The following MACROD2 variants were observed in gnomAD, a reference collection of about 807,000 sequenced individuals.
MACROD2 encodes the protein ADP-ribose glycohydrolase MACROD2.
A neutral mutation model predicts 70.4 loss-of-function variants in MACROD2; 36 were observed. The observed-to-expected ratio is 0.51, with a 90% CI of 0.39 to 0.68. The LOEUF (loss-of-function observed/expected upper bound fraction) is 0.68, where lower values mean the gene tolerates loss of function less well. Ranked by LOEUF, MACROD2 falls within the 30% of genes least tolerant of loss-of-function variation. The probability of loss-of-function intolerance (pLI) is 0.00; values close to 1 mark genes in which losing one functional copy is unlikely to be tolerated. For missense variants in MACROD2, 496 were observed against 538.4 expected (o/e 0.92, Z 0.78); for synonymous variants, 172 against 178.8 (o/e 0.96, Z 0.30).
chr20:14,400,945 T>C (rs1164480466), intron 3 of MACROD2, among the ~76,000 whole-genome samples: 5 of 152,160 alleles, frequency 3.3e-5, no homozygotes, highest in Admixed American at 3.3e-4. Flanking sequence ...GGTGTGGTAA[T>C]GCCATATGAT....
At chr20:14,305,421 G>C (rs1013504295) in intron 3 of MACROD2, among the ~76,000 whole-genome samples, 11 of 151,962 alleles carry the variant, frequency 7.2e-5, no homozygotes, top group African/African-American at 2.7e-4. Flanking sequence ...ATGGTGATTA[G>C]AACCAAAAAC....
rs142392767 is a variant in MACROD2 at position 15,562,244 on chromosome 20, G to A, written c.645+62397G>A. On this transcript the variant is annotated intron_variant, in intron 8 of 17. Transcript: ENST00000684519. ...GCTCTGTCCATCTTGGAGCAGCTAC[G>A]TGAGGATTTTACAGCTGTCTTTGTT... Among the ~76,000 whole-genome samples the A allele has an allele frequency of 3.4e-3, 518 of 152,158 alleles. 3 individuals carry two copies. The East Asian group carries it at 0.041, about 12-fold the overall frequency.
chr20:14,562,096 C>T (rs766746316), intron 4 of MACROD2, among the ~76,000 whole-genome samples: 2 of 151,734 alleles, frequency 1.3e-5, no homozygotes, highest in African/African-American at 2.4e-5. Flanking sequence ...TCCCTCTGGA[C>T]GAGCAAAAGG....
At chr20:14,002,535 T>G in intron 2 of MACROD2, 131 bp downstream of exon 2, 1 of 594,154 alleles carries the variant, frequency 1.7e-6, no homozygotes, top group Non-Finnish European at 2.9e-6. Context: ...TGGTTGTGAT[T>G]TAATTGTTTT....
At position 15,355,177 on chromosome 20, in the gene MACROD2, C is replaced by T. The variant is rs118136690; in HGVS notation, c.541-76228C>T. On this transcript the variant is annotated intron_variant, in intron 6 of 17. Transcript: ENST00000684519. ...TCCACAAGTTAAAGGCTCAGTCATCCGCAAGACTCTCTTTAATTCAGATGC... is the reference window on the plus strand; with the variant it reads ...TCCACAAGTTAAAGGCTCAGTCATCTGCAAGACTCTCTTTAATTCAGATGC... Among the ~76,000 whole-genome samples the T allele has an allele frequency of 9.2e-3, 1,407 of 152,278 alleles. 11 individuals carry two copies. The highest frequency in any genetic ancestry group is 0.016 in the Non-Finnish European group (1,061 of 68,018).
chr20:15,171,096 G>A (rs1300018758), intron 5 of MACROD2, among the ~76,000 whole-genome samples: 3 of 152,148 alleles, frequency 2.0e-5, no homozygotes, highest in Non-Finnish European at 2.9e-5. Flanking sequence ...TCCCCCTGGG[G>A]GACCTAGCGT....
chr20:15,784,010 A>C (rs1164288669), intron 8 of MACROD2, among the ~76,000 whole-genome samples: 1 of 152,180 alleles, frequency 6.6e-6, no homozygotes, highest in Non-Finnish European at 1.5e-5. Context: ...AATAGTTTGC[A>C]CTTCTTCCCC....
chr20:15,083,980 A>G (rs2075725004), intron 5 of MACROD2, among the ~76,000 whole-genome samples: 1 of 152,000 alleles, frequency 6.6e-6, no homozygotes, highest in Non-Finnish European at 1.5e-5. Flanking sequence ...ATTCAATGTC[A>G]TTATAGGAGG....
chr20:16,038,969 C>A (rs929992771), intron 15 of MACROD2, among the ~76,000 whole-genome samples: 1 of 150,468 alleles, frequency 6.6e-6, no homozygotes, highest in East Asian at 1.9e-4. Flanking sequence ...AGGATATAAC[C>A]CTTCAGGGTA....
intron 5 of MACROD2, among the ~76,000 whole-genome samples, chr20:14,928,484 G>T (rs1287270961): frequency 6.6e-6 from 1 of 152,174 alleles, no homozygotes; most frequent in Non-Finnish European, 1.5e-5. Flanking sequence ...GTGTTTAAGG[G>T]TCAACTATTC....
intron 15 of MACROD2, among the ~76,000 whole-genome samples, chr20:16,016,401 A>G (rs2066929554): frequency 6.6e-6 from 1 of 152,218 alleles, no homozygotes; most frequent in South Asian, 2.1e-4. Context: ...CTTCAAATAG[A>G]CTAGAAGAAA....
intron 9 of MACROD2, among the ~76,000 whole-genome samples, chr20:15,868,770 C>G (rs190688408): frequency 6.6e-6 from 1 of 152,164 alleles, no homozygotes; most frequent in East Asian, 1.9e-4. Flanking sequence ...CTACCAACTA[C>G]TATTTTTTAA....
At chr20:14,996,843 C>T (rs1405462326) in intron 5 of MACROD2, among the ~76,000 whole-genome samples, 4 of 152,072 alleles carry the variant, frequency 2.6e-5, no homozygotes, top group East Asian at 1.9e-4. Flanking sequence ...CACCAGCAGG[C>T]GGGTTTGAGC....
intron 2 of MACROD2, among the ~76,000 whole-genome samples, chr20:14,084,541 C>G (rs1054072274): frequency 6.6e-6 from 1 of 151,886 alleles, no homozygotes; most frequent in African/African-American, 2.4e-5. Context: ...ATTTATTTTG[C>G]ACAGCTTTTA....
At chr20:15,584,727 C>T (rs2048573699) in intron 8 of MACROD2, among the ~76,000 whole-genome samples, 1 of 152,192 alleles carries the variant, frequency 6.6e-6, no homozygotes, top group African/African-American at 2.4e-5. Flanking sequence ...TGGTTACCAC[C>T]TTCCCGTGGG....
intron 5 of MACROD2, among the ~76,000 whole-genome samples, chr20:14,877,459 A>C (rs1218038511): frequency 1.3e-5 from 2 of 151,950 alleles, no homozygotes; most frequent in African/African-American, 4.8e-5. Context: ...CTCTTCCCTG[A>C]TAGCTCTGGC....
At chr20:14,150,069 T>C (rs2054996842) in intron 3 of MACROD2, among the ~76,000 whole-genome samples, 1 of 152,064 alleles carries the variant, frequency 6.6e-6, no homozygotes, top group African/African-American at 2.4e-5. Flanking sequence ...CTCCCCACCT[T>C]TCCCCCATCA....
chr20:14,758,827 T>C (rs2071977051), intron 5 of MACROD2, among the ~76,000 whole-genome samples: 1 of 152,142 alleles, frequency 6.6e-6, no homozygotes, highest in Non-Finnish European at 1.5e-5. Context: ...AAAGTAGTTT[T>C]TATTAGGTAA....
chr20:15,897,634 C>A (rs1305316468), intron 10 of MACROD2, among the ~76,000 whole-genome samples: 1 of 151,918 alleles, frequency 6.6e-6, no homozygotes, highest in Non-Finnish European at 1.5e-5. Flanking sequence ...TGCTAATTTT[C>A]TATTCAACTT....
Sources: gnomAD v4.1 joint callset for allele counts (sites outside exome capture counted in the v4.1 genomes callset) on GRCh38, gnomAD v4.1.1 for gene constraint, MANE v1.5 for transcripts, NCBI Gene and HGNC (gene_info 2026-07-23, HGNC 2026-07-21) for gene names.